The following EYA2 variants were observed in gnomAD, a reference collection of about 807,000 sequenced individuals.
EYA2 encodes EYA transcriptional coactivator and phosphatase 2.
A neutral mutation model predicts 69.2 loss-of-function variants in EYA2; 31 were observed. That is an observed-to-expected ratio of 0.45 (90% confidence interval 0.34 to 0.60). The LOEUF (loss-of-function observed/expected upper bound fraction) is 0.60. Among genes scored for constraint, EYA2 ranks in the 20% least tolerant of loss-of-function variants. The pLI is 0.02. For missense variants in EYA2, 622 were observed against 701.2 expected, an observed-to-expected ratio of 0.89 and a Z score of 1.28; for synonymous variants, 257 against 279.4, an observed-to-expected ratio of 0.92 and a Z score of 0.80.
At chr20:47,060,851 CTTTTTT>C (rs35809050) in intron 5 of EYA2, among the ~76,000 whole-genome samples, 1 of 125,700 alleles carries the variant, frequency 8.0e-6, no homozygotes, top group Non-Finnish European at 1.7e-5. Context: ...CTCTCTCTCT[CTTTTTT>C]TTTTTTTTTT....
chr20:47,153,860 T>C (rs1471432786), intron 10 of EYA2, among the ~76,000 whole-genome samples: 3 of 152,076 alleles, frequency 2.0e-5, no homozygotes, highest in Admixed American at 2.0e-4. Context: ...CTCTAAGACC[T>C]TGAAGGAGGT....
chr20:47,076,824 G>A (rs2031535127), intron 7 of EYA2, among the ~76,000 whole-genome samples: 1 of 152,116 alleles, frequency 6.6e-6, no homozygotes, highest in African/African-American at 2.4e-5. Context: ...CTCCCCTATG[G>A]TGGCAAAGAT....
At chr20:46,960,433 C>T (rs1039068826) in intron 1 of EYA2, among the ~76,000 whole-genome samples, 5 of 152,088 alleles carry the variant, frequency 3.3e-5, no homozygotes, top group East Asian at 1.9e-4. Context: ...GGGGGCTTTA[C>T]ATGAATTGAT....
chr20:47,021,484 G>A (rs574598308), intron 5 of EYA2, among the ~76,000 whole-genome samples: 29 of 151,900 alleles, frequency 1.9e-4, no homozygotes, highest in South Asian at 2.1e-4. Context: ...AAAATTAGCC[G>A]GGTGTGGTGG....
intron 1 of EYA2, among the ~76,000 whole-genome samples, chr20:46,937,345 G>A (rs1039980838): frequency 6.6e-6 from 1 of 152,200 alleles, no homozygotes; most frequent in African/African-American, 2.4e-5. Flanking sequence ...TCACTTCTCT[G>A]TGTCTCATCT....
rs12625557 is a variant in EYA2, at chr20:46,920,852, C to T, written c.-11+25865C>T. Among the ~76,000 whole-genome samples, 14 of 152,352 alleles carry T rather than the reference C, an allele frequency of 9.2e-5. No homozygotes were observed. In the East Asian group the frequency reaches 2.7e-3, roughly 29 times the overall value. ...GGACTCATCATCTCTCTGGGAGAAA[C>T]TGGTGCCACCCAGGATGGCCTTGGT... is the stretch of plus-strand genomic sequence containing the variant. On this transcript the variant is annotated intron_variant, in intron 1 of 15. Transcript: ENST00000327619.
At chr20:46,924,734 G>A (rs1036035608) in intron 1 of EYA2, among the ~76,000 whole-genome samples, 1 of 140,768 alleles carries the variant, frequency 7.1e-6, no homozygotes, top group South Asian at 2.2e-4. Flanking sequence ...GCAGTAACCA[G>A]AATAAACCCT....
chr20:47,037,664 C>A (rs1600660278), intron 5 of EYA2, among the ~76,000 whole-genome samples: 1 of 152,144 alleles, frequency 6.6e-6, no homozygotes, highest in East Asian at 1.9e-4. Flanking sequence ...GCTTGTAGAC[C>A]CTTCCTCAAG....
At chr20:47,075,524 G>A (rs1249093504) in intron 7 of EYA2, among the ~76,000 whole-genome samples, 4 of 152,040 alleles carry the variant, frequency 2.6e-5, no homozygotes. Flanking sequence ...CAGGAACTGT[G>A]TACACAGCCT....
intron 1 of EYA2, among the ~76,000 whole-genome samples, chr20:46,948,031 C>T (rs188391279): frequency 2.0e-5 from 3 of 150,360 alleles, no homozygotes; most frequent in South Asian, 2.1e-4. Flanking sequence ...GTGGGAGGAT[C>T]GCTTGAGCCC....
chr20:47,020,466 C>T (rs1042101397), intron 5 of EYA2, among the ~76,000 whole-genome samples: 4 of 151,170 alleles, frequency 2.6e-5, no homozygotes, highest in African/African-American at 9.7e-5. Flanking sequence ...TGTTTATTTT[C>T]TTTATTTTAA....
intron 6 of EYA2, among the ~76,000 whole-genome samples, chr20:47,073,703 G>C (rs113970349): frequency 5.0e-4 from 76 of 152,098 alleles, no homozygotes; most frequent in African/African-American, 1.8e-3. Context: ...GGGCCCAAGG[G>C]GCTTTTCTAG....
intron 2 of EYA2, among the ~76,000 whole-genome samples, chr20:46,992,603 T>C (rs553515725): frequency 6.6e-6 from 1 of 152,338 alleles, no homozygotes; most frequent in Admixed American, 6.5e-5. Context: ...CTCCAGACCC[T>C]GGATCTTCAA....
At position 47,115,548 on chromosome 20, in the gene EYA2, A is replaced by G. The variant is rs1363326678; in HGVS notation, c.888+18380A>G. Among the ~76,000 whole-genome samples the G allele has an allele frequency of 2.0e-5, 3 of 152,058 alleles. No homozygotes were observed. In the East Asian group the frequency reaches 5.8e-4, roughly 29 times the overall value. Reference sequence around the variant, plus strand: ...CTCACGTAACTCTCTTAACTGACCCATACGCCAACCATCATCATTGCTGTG... The same window carrying G: ...CTCACGTAACTCTCTTAACTGACCCGTACGCCAACCATCATCATTGCTGTG... On this transcript the variant is annotated intron_variant, in intron 9 of 15. Coordinates refer to ENST00000327619, the MANE Select transcript of EYA2 (RefSeq NM_005244.5).
chr20:47,048,878 T>C (rs987113260), intron 5 of EYA2, among the ~76,000 whole-genome samples: 1 of 151,980 alleles, frequency 6.6e-6, no homozygotes, highest in African/African-American at 2.4e-5. Context: ...GTAACAGAGG[T>C]GAGAGTAAGA....
intron 5 of EYA2, among the ~76,000 whole-genome samples, chr20:47,064,809 C>T (rs2031047530): frequency 6.6e-6 from 1 of 152,204 alleles, no homozygotes; most frequent in South Asian, 2.1e-4. Flanking sequence ...AGCAGCGTCA[C>T]ATAAGTCACT....
At chr20:46,997,881 A>G (rs1568713670) in intron 2 of EYA2, 1 of 152,244 alleles carries the variant, frequency 6.6e-6, no homozygotes, top group East Asian at 1.9e-4. Flanking sequence ...GCTCATCTGA[A>G]GAATGGCATC....
At chr20:46,931,626 G>A (rs1013076575) in intron 1 of EYA2, among the ~76,000 whole-genome samples, 4 of 152,136 alleles carry the variant, frequency 2.6e-5, no homozygotes, top group Non-Finnish European at 4.4e-5. Flanking sequence ...TCATTCTTAC[G>A]AGCAAGTTTT....
chr20:46,996,972 T>C (rs1001739331), intron 2 of EYA2, among the ~76,000 whole-genome samples: 1 of 151,898 alleles, frequency 6.6e-6, no homozygotes, highest in East Asian at 1.9e-4. Context: ...GGCTCGAGAC[T>C]ATGACATTTG....
Sources: gnomAD v4.1 joint callset for allele counts (sites outside exome capture counted in the v4.1 genomes callset) on GRCh38, gnomAD v4.1.1 for gene constraint, MANE v1.5 for transcripts, NCBI Gene and HGNC (gene_info 2026-07-23, HGNC 2026-07-21) for gene names.